The following CTNS variants were observed in gnomAD, a reference collection of about 807,000 sequenced individuals.
CTNS encodes cystinosin, lysosomal cystine transporter.
In CTNS, 27 loss-of-function variants were observed where a neutral mutation model predicts 43.7. The ratio of observed to expected loss-of-function variants is 0.62; its 90% CI spans 0.46 to 0.85. CTNS has a LOEUF of 0.85. Ranked by LOEUF, CTNS falls within the 40% of genes least tolerant of loss-of-function variation. The pLI is 0.00. For missense variants in CTNS, 457 were observed against 475.4 expected (o/e 0.96, Z 0.36); for synonymous variants, 187 against 190.6 (o/e 0.98, Z 0.16).
At chr17:3,651,412 C>G (rs1023930185) in intron 5 of CTNS, among the ~76,000 whole-genome samples, 1 of 151,938 alleles carries the variant, frequency 6.6e-6, no homozygotes, top group African/African-American at 2.4e-5. Flanking sequence ...TTTTTAAAAT[C>G]AAAAAAGATA....
chr17:3,636,977 A>C (rs1479546251), intron 1 of CTNS, 130 bp from the exon 2 acceptor site: 1 of 152,250 alleles, frequency 6.6e-6, no homozygotes, highest in Non-Finnish European at 1.5e-5. Flanking sequence ...GACACGGGAC[A>C]ACCCCCGGGT....
chr17:3,642,644 C>T (rs1306095617), intron 3 of CTNS, among the ~76,000 whole-genome samples: 1 of 151,900 alleles, frequency 6.6e-6, no homozygotes, highest in Non-Finnish European at 1.5e-5. Context: ...GCTGAGATCA[C>T]GCCACTGCAC....
chr17:3,642,249 C>T (rs1257805112), intron 3 of CTNS, among the ~76,000 whole-genome samples: 2 of 151,596 alleles, frequency 1.3e-5, no homozygotes, highest in Non-Finnish European at 2.9e-5. Context: ...ATCCAGCTAC[C>T]ACCACTCCAG....
intron 3 of CTNS, among the ~76,000 whole-genome samples, chr17:3,641,384 A>ATATATATTTTTTTT (rs1555558526): frequency 2.6e-4 from 8 of 31,200 alleles, no homozygotes; most frequent in African/African-American, 1.9e-3. Context: ...ATATATATAT[A>ATATATATTTTTTTT]TTTTTTTTTT....
intron 7 of CTNS, 38 bp downstream of exon 7, chr17:3,655,390 C>A: frequency 6.2e-7 from 1 of 1,612,702 alleles, no homozygotes; most frequent in Non-Finnish European, 8.5e-7. Context: ...TCTCTCGGGG[C>A]CCCTAGGAGC....
At chr17:3,643,032 C>T (rs1383833403) in intron 3 of CTNS, among the ~76,000 whole-genome samples, 2 of 151,926 alleles carry the variant, frequency 1.3e-5, no homozygotes, top group Non-Finnish European at 1.5e-5. Context: ...ATGCCTACCT[C>T]GGCCTGGCGC....
intron 5 of CTNS, among the ~76,000 whole-genome samples, chr17:3,652,042 A>G (rs1209376933): frequency 6.6e-6 from 1 of 151,532 alleles, no homozygotes; most frequent in African/African-American, 2.4e-5. Context: ...GATGGCATTG[A>G]TGGGCACCAA....
intron 5 of CTNS, among the ~76,000 whole-genome samples, chr17:3,651,219 C>T (rs548769778): frequency 2.0e-5 from 3 of 152,044 alleles, no homozygotes; most frequent in Non-Finnish European, 2.9e-5. Flanking sequence ...CCCAGCCTCC[C>T]GAGTAGCTGG....
At chr17:3,646,503 G>A (rs192219688) in intron 3 of CTNS, among the ~76,000 whole-genome samples, 7 of 152,186 alleles carry the variant, frequency 4.6e-5, no homozygotes, top group South Asian at 2.1e-4. Context: ...TGGCCAGGAC[G>A]GTCTTGATCC....
intron 5 of CTNS, chr17:3,650,075 C>T: frequency 2.1e-6 from 3 of 1,457,382 alleles, no homozygotes; most frequent in South Asian, 1.4e-5. Flanking sequence ...TATTAATTAG[C>T]TTGATTTAGT....
chr17:3,659,712 A>T, intron 10 of CTNS, 146 bp from the exon 11 acceptor site: 1 of 710,472 alleles, frequency 1.4e-6, no homozygotes, highest in Middle Eastern at 3.4e-4. Flanking sequence ...GGCCTGTCAT[A>T]GCCCAAAGGT....
chr17:3,647,171 T>C (rs1401975131), intron 3 of CTNS, among the ~76,000 whole-genome samples: 1 of 152,228 alleles, frequency 6.6e-6, no homozygotes, highest in African/African-American at 2.4e-5. Context: ...CAATCTCTGG[T>C]TAACTCAGCC....
In CTNS at chr17:3,655,132, C is replaced by T. The variant is rs201705822; in HGVS notation, c.329+31C>T. The T allele has an allele frequency of 1.0e-4, 167 of 1,613,654 alleles. No individual in the cohort carries two copies. The African/African-American group carries it at 1.3e-3, about 12-fold the overall frequency. On this transcript the variant is annotated intron_variant, in intron 6 of 11. Transcript: ENST00000046640. ...CTGGCCTCAGGGTGTGCGGGCCTCA[C>T]GTGACAAGAAGGGGGCCGTGCTGGG...
At position 3,659,736 on chromosome 17, in the gene CTNS, G is replaced by C. The variant is rs2076241342; in HGVS notation, c.853-122G>C. The C allele has an allele frequency of 2.0e-5, 15 of 757,416 alleles. No individual in the cohort carries two copies. In the East Asian group the frequency reaches 3.9e-4, roughly 20 times the overall value. 46.9% of individuals were successfully genotyped at this position (757,416 alleles called of 1,614,324 possible). Reference sequence around the variant, plus strand: ...TAGCCCAAAGGTCACCGTGTCCTTGGAGCCAAGGCCCCAGTGGGAGGAATG... The same window carrying C: ...TAGCCCAAAGGTCACCGTGTCCTTGCAGCCAAGGCCCCAGTGGGAGGAATG... On this transcript the variant is annotated intron_variant, in intron 10 of 11. Coordinates refer to ENST00000046640, the MANE Select transcript of CTNS (RefSeq NM_004937.3).
rs192068377 is a variant in CTNS at position 3,662,328 on chromosome 17, T to C, written c.*1959T>C. Among the ~76,000 whole-genome samples the C allele has an allele frequency of 3.9e-4, 58 of 149,506 alleles. 2 individuals carry two copies. Among genetic ancestry groups the C allele is most frequent in the African/African-American group, 1.4e-3 (56 of 40,822 alleles). On this transcript the variant is annotated 3_prime_UTR_variant, in exon 12 of 12. Transcript: ENST00000046640. Reference sequence around the variant, plus strand: ...CTCCATCTCAAAAAAAAAAAAAAATTATTGACTTTTCTTTAAAATCTGATT... The same window carrying C: ...CTCCATCTCAAAAAAAAAAAAAAATCATTGACTTTTCTTTAAAATCTGATT...
In CTNS at chr17:3,655,321, C is replaced by G. The variant is rs758203278; in HGVS notation, c.430C>G (p.Pro144Ala). 4 of 1,614,070 alleles carry G rather than the reference C, an allele frequency of 2.5e-6. No individual in the cohort carries two copies. In the African/African-American group the frequency reaches 4.0e-5, roughly 16 times the overall value. Residue 144 changes from proline to alanine, a missense_variant, in exon 7 of 12, where the codon CCT (proline) becomes GCT (alanine). Transcript: ENST00000046640. ...YFVAWSISFY[P>A]QVIMNWRRKS... ...TGTGGCCTGGTCCATCTCCTTCTACCCTCAGGTGATCATGAATTGGAGGCG... is the reference window on the plus strand; with the variant it reads ...TGTGGCCTGGTCCATCTCCTTCTACGCTCAGGTGATCATGAATTGGAGGCG...
At position 3,655,199 on chromosome 17, in the gene CTNS, C is replaced by T. The variant is rs375388101; in HGVS notation, c.330-22C>T. 113 of 1,614,124 alleles carry T rather than the reference C, an allele frequency of 7.0e-5. No individual in the cohort carries two copies. In the Middle Eastern group the frequency reaches 8.3e-4, roughly 12 times the overall value. ...TCAGAAGCCCAGCCTCAGCTCATCCCGGTCCCCAAACTCCTTTCCAGCCCG... is the reference window on the plus strand; with the variant it reads ...TCAGAAGCCCAGCCTCAGCTCATCCTGGTCCCCAAACTCCTTTCCAGCCCG... On this transcript the variant is annotated intron_variant, in intron 6 of 11. Coordinates refer to ENST00000046640, the MANE Select transcript of CTNS (RefSeq NM_004937.3).
chr17:3,645,543 A>G (rs2075822635), intron 3 of CTNS, among the ~76,000 whole-genome samples: 1 of 152,100 alleles, frequency 6.6e-6, no homozygotes, highest in South Asian at 2.1e-4. Context: ...GCGGAGAATC[A>G]GAGGTCAAAT....
rs567976881 is a variant in CTNS, at chr17:3,658,920, C to T, written c.852+745C>T. On this transcript the variant is annotated intron_variant, in intron 10 of 11. Transcript: ENST00000046640. ...CAGTGAGGGGATGTGGCTGGTTGAA[C>T]AGTGTTGAGCATGTTGAAGCTGGGA... Among the ~76,000 whole-genome samples the T allele has an allele frequency of 2.0e-5, 3 of 152,088 alleles. No homozygotes were observed. In the South Asian group the frequency reaches 6.2e-4, roughly 32 times the overall value.
Sources: allele counts gnomAD v4.1 joint callset (sites outside exome capture counted in the v4.1 genomes callset), GRCh38; gene constraint gnomAD v4.1.1; transcripts MANE v1.5; gene names NCBI Gene and HGNC (gene_info 2026-07-23, HGNC 2026-07-21).